The following MYT1 variants were observed in gnomAD, a reference collection of about 807,000 sequenced individuals.
MYT1 encodes myelin transcription factor 1.
Under a neutral mutation model 123.0 loss-of-function variants are expected in MYT1, and 23 were observed. That is an observed-to-expected ratio of 0.19 (90% CI 0.13 to 0.26). The LOEUF is 0.26. MYT1 is among the 10% of genes least tolerant of loss of function. The probability of loss-of-function intolerance (pLI) is 1.00; values close to 1 mark genes in which losing one functional copy is unlikely to be tolerated. For synonymous variants in MYT1, 518 were observed against 575.3 expected (o/e 0.90, Z 1.43); for missense variants, 1,125 against 1,472.5 (o/e 0.76, Z 3.86).
At chr20:64,195,279 A>C in intron 2 of MYT1, among the ~76,000 whole-genome samples, 1 of 145,956 alleles carries the variant, frequency 6.9e-6, no homozygotes, top group Non-Finnish European at 1.5e-5. Context: ...AACTCAGGGC[A>C]CTCTGTTTTG....
intron 12 of MYT1, 148 bp downstream of exon 12, chr20:64,219,183 C>A: frequency 8.6e-7 from 1 of 1,156,386 alleles, no homozygotes; most frequent in Non-Finnish European, 1.2e-6. Context: ...TCCCTCCTGG[C>A]CATGGCCCCA....
At position 64,166,909 on chromosome 20, in the gene MYT1, C is replaced by T. The variant is rs146507220; in HGVS notation, c.-99+2170C>T. Among the ~76,000 whole-genome samples the T allele has an allele frequency of 6.1e-3, 927 of 152,256 alleles. 2 individuals carry two copies. Among genetic ancestry groups the T allele is most frequent in the Non-Finnish European group, 9.6e-3 (650 of 68,016 alleles). On this transcript the variant is annotated intron_variant, in intron 1 of 22. Coordinates refer to ENST00000328439, the MANE Select transcript of MYT1 (RefSeq NM_004535.3). The surrounding 1 kb of genome is among the most constrained non-coding windows in gnomAD (Gnocchi z 4.9). ...CTGGGCAGCTCTGGCAGCTGACCAA[C>T]GGCAGCCTGGATGGTGGCTGGAGCT...
intron 2 of MYT1, 82 bp from the exon 3 acceptor site, chr20:64,198,780 A>G (rs1983204473): frequency 1.4e-6 from 2 of 1,480,314 alleles, no homozygotes; most frequent in Admixed American, 3.5e-5. Flanking sequence ...GAGCCAGAAA[A>G]TGGCCAGACA....
At chr20:64,204,661 C>T (rs1193414456) in intron 4 of MYT1, among the ~76,000 whole-genome samples, 2 of 152,226 alleles carry the variant, frequency 1.3e-5, no homozygotes, top group African/African-American at 2.4e-5. Context: ...AGAATGCCAA[C>T]TTCTGTGCTT....
intron 16 of MYT1, among the ~76,000 whole-genome samples, chr20:64,225,190 TC>T (rs1157626999): frequency 1.3e-5 from 2 of 152,036 alleles, no homozygotes; most frequent in East Asian, 1.9e-4. Flanking sequence ...GATGGTGGTC[TC>T]CCCCCGCCAC....
chr20:64,214,032 A>C (rs1601716561), intron 10 of MYT1, among the ~76,000 whole-genome samples: 2 of 152,220 alleles, frequency 1.3e-5, no homozygotes, highest in Admixed American at 6.5e-5. Flanking sequence ...AGACTGCACC[A>C]GCCAAGGACC....
rs558852609 is a variant in MYT1 at position 64,205,969 on chromosome 20, A to G, written c.397+169A>G. ...GGCTTCCTGGGAGAGAGGTCTGCCC[A>G]TGGTGTTTATGGGGCCTGTGGTGTG... On this transcript the variant is annotated intron_variant, in intron 6 of 22. Coordinates refer to ENST00000328439, the MANE Select transcript of MYT1 (RefSeq NM_004535.3). Among the ~76,000 whole-genome samples, 35 of 152,158 alleles carry G rather than the reference A, an allele frequency of 2.3e-4. 1 individual carries two copies. In the South Asian group the frequency reaches 7.3e-3, roughly 32 times the overall value.
intron 21 of MYT1, 58 bp from the exon 22 acceptor site, chr20:64,239,702 A>AC: frequency 6.2e-7 from 1 of 1,603,854 alleles, no homozygotes; most frequent in Middle Eastern, 1.7e-4. Flanking sequence ...CCCAGAGAGG[A>AC]CCCCCAGGAG....
In MYT1 at chr20:64,207,620, G is replaced by C. The variant is rs1983521321; in HGVS notation, c.424G>C (p.Gly142Arg). ...AAGGAGCCCCGTCAAGTCCCATTTT[G>C]GATCCAACCCCATCGGCAGCGCCAC... Reference protein sequence around the residue: ...EGRSPVKSHFGSNPIGSATAS... With the variant: ...EGRSPVKSHFRSNPIGSATAS... Residue 142 changes from glycine to arginine, a missense_variant, in exon 7 of 23, where the codon GGA becomes CGA. Around this residue, in one of 4 missense-constraint regions of MYT1, gnomAD observed 406 missense variants for 432.2 expected, o/e 0.94. Transcript: ENST00000328439. The C allele has an allele frequency of 1.2e-6, 2 of 1,613,452 alleles. No homozygotes were observed. Among genetic ancestry groups the C allele is most frequent in the Admixed American group, 1.7e-5 (1 of 59,992 alleles).
chr20:64,235,883 T>C lies in MYT1; in HGVS notation c.2898-672T>C, dbSNP rs554453952. Reference sequence around the variant, plus strand: ...GTGGTGGGTGACGCTGGGATGGTCATGGTGGGTGACCCTGGGATGGCCGCG... The same window carrying C: ...GTGGTGGGTGACGCTGGGATGGTCACGGTGGGTGACCCTGGGATGGCCGCG... On this transcript the variant is annotated intron_variant, in intron 19 of 22. Coordinates refer to ENST00000328439, the MANE Select transcript of MYT1 (RefSeq NM_004535.3). Among the ~76,000 whole-genome samples, 658 of 129,892 alleles carry C rather than the reference T, an allele frequency of 5.1e-3. 19 individuals carry two copies. Among genetic ancestry groups the C allele is most frequent in the African/African-American group, 0.016 (534 of 32,938 alleles). The allele number at this position is 129,892 out of a possible 152,430, so 85.2% of individuals were successfully genotyped here. A position where few individuals can be genotyped will look rare whatever the true frequency, so the allele number is the denominator to read the frequency against.
In MYT1 at chr20:64,212,172, AGG is replaced by A; in HGVS notation, c.1517+36_1517+37del. ...ACTGAGCTGGGCCGTAGTGGGGGCC[AGG>A]GTGGGGGCCGTGGTGGGGGCCAGGG... On this transcript the variant is annotated intron_variant, in intron 9 of 22. Coordinates refer to ENST00000328439, the MANE Select transcript of MYT1 (RefSeq NM_004535.3). This position sits in a 1 kb window ranked among gnomAD's most constrained non-coding sequence, Gnocchi z 6.8. 2.0e-6 allele frequency: 2 copies of A among 991,788 alleles called. No individual in the cohort carries two copies. Among genetic ancestry groups the A allele is most frequent in the South Asian group, 1.5e-5 (1 of 66,876 alleles). The allele number at this position is 991,788 out of a possible 1,614,324, so 61.4% of individuals were successfully genotyped here. A position where few individuals can be genotyped will look rare whatever the true frequency, so the allele number is the denominator to read the frequency against.
At position 64,232,956 on chromosome 20, in the gene MYT1, C is replaced by T. The variant is rs1470797730; in HGVS notation, c.2897+571C>T. Reference sequence around the variant, plus strand: ...ACTCTCGCCTGCCCTCCAACACCTGCTCCAGAGCCGAAGGACCTTGCTTCA... The same window carrying T: ...ACTCTCGCCTGCCCTCCAACACCTGTTCCAGAGCCGAAGGACCTTGCTTCA... On this transcript the variant is annotated intron_variant, in intron 19 of 22. Coordinates refer to ENST00000328439, the MANE Select transcript of MYT1 (RefSeq NM_004535.3). This position sits in a 1 kb window ranked among gnomAD's most constrained non-coding sequence, Gnocchi z 6.9. Among the ~76,000 whole-genome samples the T allele has an allele frequency of 6.6e-6, 1 of 151,908 alleles. No individual in the cohort carries two copies. The highest frequency in any genetic ancestry group is 1.5e-5 in the Non-Finnish European group (1 of 67,948).
In MYT1 at chr20:64,216,860, C is replaced by G. The variant is rs77227055; in HGVS notation, c.1632-207C>G. On this transcript the variant is annotated intron_variant, in intron 10 of 22. Transcript: ENST00000328439. The stretch of plus-strand genomic sequence containing the variant: ...TTCCTCCCTGCAGGCCATTCTTCAC[C>G]GGCCTGCTCTGGGAGCCCTTGACCC... Among the ~76,000 whole-genome samples, 335 of 152,280 alleles carry G rather than the reference C, an allele frequency of 2.2e-3. 19 individuals carry two copies. In the South Asian group the frequency reaches 0.067, roughly 30 times the overall value.
In MYT1 at chr20:64,240,623, C is replaced by G; in HGVS notation, c.*175C>G. 2.5e-6 allele frequency: 2 copies of G among 816,070 alleles called. No homozygotes were observed. Among genetic ancestry groups the G allele is most frequent in the Non-Finnish European group, 3.7e-6 (2 of 543,248 alleles). The allele number at this position is 816,070 out of a possible 1,614,324, so 50.6% of individuals were successfully genotyped here. A position where few individuals can be genotyped will look rare whatever the true frequency, so the allele number is the denominator to read the frequency against. Reference sequence around the variant, plus strand: ...TTGGCCGCTCCCACGAGGCTCCCTCCAGGCTTGGGGCCGTGGTGGCCCTAT... The same window carrying G: ...TTGGCCGCTCCCACGAGGCTCCCTCGAGGCTTGGGGCCGTGGTGGCCCTAT... On this transcript the variant is annotated 3_prime_UTR_variant, in exon 23 of 23. Coordinates refer to ENST00000328439, the MANE Select transcript of MYT1 (RefSeq NM_004535.3).
At chr20:64,176,416 A>G (rs1159427149) in intron 1 of MYT1, among the ~76,000 whole-genome samples, 17 of 147,288 alleles carry the variant, frequency 1.2e-4, no homozygotes, top group African/African-American at 4.1e-4. Flanking sequence ...AGTTGTGTCC[A>G]TTTCCCCTCC....
Position 64,240,381 on chromosome 20 carries a change from A to G in MYT1, c.3299A>G (p.Asn1100Ser), listed in dbSNP as rs770187081. Residue 1100 changes from asparagine (N) to serine (S), a missense_variant, in exon 23 of 23, where the codon AAC (asparagine) becomes AGC (serine). This residue lies in a region of MYT1 where 243 missense variants were observed against 323.1 expected (regional missense o/e 0.75). Transcript: ENST00000328439. ...YVSTLTDMYS[N>S]QDPENKDLLE... ...AGCACCCTCACCGACATGTACTCCAACCAGGACCCGGAGAACAAGGACCTC... is the reference window on the plus strand; with the variant it reads ...AGCACCCTCACCGACATGTACTCCAGCCAGGACCCGGAGAACAAGGACCTC... The G allele has an allele frequency of 3.1e-6, 5 of 1,614,058 alleles. No individual in the cohort carries two copies. Among genetic ancestry groups the G allele is most frequent in the Non-Finnish European group, 4.2e-6 (5 of 1,180,020 alleles).
At chr20:64,170,834 A>C (rs1982231739) in intron 1 of MYT1, among the ~76,000 whole-genome samples, 1 of 136,954 alleles carries the variant, frequency 7.3e-6, no homozygotes, top group African/African-American at 2.7e-5. Context: ...CATGACACAG[A>C]TAGACAAATT....
At chr20:64,184,394 C>A (rs889424312) in intron 1 of MYT1, among the ~76,000 whole-genome samples, 44 of 151,756 alleles carry the variant, frequency 2.9e-4, no homozygotes, top group Non-Finnish European at 8.8e-5. Context: ...GTTTTTTTCC[C>A]ATTAAATTGT....
At position 64,207,807 on chromosome 20, in the gene MYT1, G is replaced by A. The variant is rs1983530021; in HGVS notation, c.611G>A (p.Gly204Glu). 1 of 1,613,742 alleles carries A rather than the reference G, an allele frequency of 6.2e-7. No individual in the cohort carries two copies. Among genetic ancestry groups the A allele is most frequent in the Admixed American group, 1.7e-5 (1 of 59,996 alleles). The part of the protein sequence containing the change: ...IVHLLQEAAE[G>E]AASEEGEKGL... ...CACCTGCTTCAGGAGGCTGCAGAGG[G>A]AGCTGCCAGCGAGGAGGGTGAAAAG... Residue 204 changes from glycine (G) to glutamate (E), a missense_variant, in exon 7 of 23, where the codon GGA becomes GAA. Coordinates refer to ENST00000328439, the MANE Select transcript of MYT1 (RefSeq NM_004535.3).
Sources: gnomAD v4.1 joint callset for allele counts (sites outside exome capture counted in the v4.1 genomes callset) on GRCh38, gnomAD v4.1.1 for gene constraint, gnomAD v4.1.1 regional missense constraint, Gnocchi (gnomAD v3.1) non-coding constraint, MANE v1.5 for transcripts, NCBI Gene and HGNC (gene_info 2026-07-23, HGNC 2026-07-21) for gene names.